GLI2: variants seen among roughly 807,000 people sequenced by gnomAD.
GLI2 encodes the protein transcription activator GLI2.
In GLI2, 22 loss-of-function variants were observed where a neutral mutation model predicts 78.9. That is an observed-to-expected ratio of 0.28 (90% confidence interval 0.20 to 0.40). The LOEUF is 0.40. Among genes scored for constraint, GLI2 ranks in the 10% least tolerant of loss-of-function variants. GLI2 has a pLI of 1.00. For missense variants in GLI2, 2,097 were observed against 2,213.2 expected, an observed-to-expected ratio of 0.95 and a Z score of 1.05; for synonymous variants, 974 against 963.7, an observed-to-expected ratio of 1.01 and a Z score of -0.20.
In GLI2 at chr2:120,951,428, G is replaced by T. The variant is rs755345187; in HGVS notation, c.440G>T (p.Gly147Val). The T allele has an allele frequency of 3.7e-6, 6 of 1,611,788 alleles. No homozygotes were observed. The African/African-American group carries it at 4.0e-5, about 11-fold the overall frequency. ...PTLSMISAAR[G>V]LSPADVAQEH... ...CTCTCCATGATCTCTGCAGCCAGGG[G>T]CCTCAGCCCCGCTGATGGTGAGTAG... is the stretch of plus-strand genomic sequence containing the variant. Residue 147 changes from glycine (G) to valine (V), a missense_variant, in exon 4 of 14, where the codon GGC becomes GTC. By Grantham distance (109) the Gly-to-Val change is moderately radical. Coordinates refer to ENST00000361492, the MANE Select transcript of GLI2 (RefSeq NM_001374353.1).
intron 2 of GLI2, 40 bp from the exon 3 acceptor site, chr2:120,927,321 G>T (rs760259656): frequency 7.1e-7 from 1 of 1,417,028 alleles, no homozygotes; most frequent in Non-Finnish European, 1.0e-6. Context: ...GAGGGAGGGG[G>T]AAAGTTTTTG....
intron 1 of GLI2, among the ~76,000 whole-genome samples, chr2:120,751,352 C>T (rs1243755664): frequency 6.6e-6 from 1 of 152,138 alleles, no homozygotes; most frequent in African/African-American, 2.4e-5. Context: ...CCCTTCCCCC[C>T]AAACTTTACA....
chr2:120,848,185 A>G (rs888782546), intron 2 of GLI2, among the ~76,000 whole-genome samples: 3 of 152,182 alleles, frequency 2.0e-5, no homozygotes, highest in Non-Finnish European at 4.4e-5. Context: ...TTGAGAAGGA[A>G]GCTCCCGGGA....
At chr2:120,900,010 A>G (rs1678174675) in intron 2 of GLI2, among the ~76,000 whole-genome samples, 1 of 152,200 alleles carries the variant, frequency 6.6e-6, no homozygotes, top group Admixed American at 6.5e-5. Flanking sequence ...CGTCTCTAGC[A>G]GGCTCCCAGG....
At chr2:120,935,578 C>T (rs902966306) in intron 3 of GLI2, among the ~76,000 whole-genome samples, 2 of 152,160 alleles carry the variant, frequency 1.3e-5, no homozygotes, top group African/African-American at 4.8e-5. Context: ...ACCCTCCCTG[C>T]AAGGTGGGAT....
intron 3 of GLI2, among the ~76,000 whole-genome samples, chr2:120,929,688 G>A (rs55883948): frequency 6.6e-6 from 1 of 152,212 alleles, no homozygotes; most frequent in Admixed American, 6.5e-5. Flanking sequence ...TCTGTGTCCC[G>A]TTGACATGTT....
intron 1 of GLI2, among the ~76,000 whole-genome samples, chr2:120,786,704 T>C (rs531293280): frequency 1.3e-5 from 2 of 152,184 alleles, no homozygotes; most frequent in African/African-American, 4.8e-5. Context: ...TATGCAGTGC[T>C]GGCAAACACT....
At chr2:120,887,862 C>T (rs887178865) in intron 2 of GLI2, among the ~76,000 whole-genome samples, 3 of 152,190 alleles carry the variant, frequency 2.0e-5, no homozygotes, top group African/African-American at 7.2e-5. Flanking sequence ...GATCCTAACG[C>T]AGTGCTAGAT....
intron 5 of GLI2, among the ~76,000 whole-genome samples, chr2:120,967,924 G>A (rs939147989): frequency 8.5e-5 from 13 of 152,190 alleles, no homozygotes; most frequent in African/African-American, 2.9e-4. Context: ...ACAGCCAAAG[G>A]CCCAGACATT....
At chr2:120,870,139 C>T (rs987901405) in intron 2 of GLI2, among the ~76,000 whole-genome samples, 12 of 152,222 alleles carry the variant, frequency 7.9e-5, no homozygotes, top group Admixed American at 7.9e-4. Context: ...CCCCTTGCCC[C>T]TTCGTCCAGA....
At chr2:120,789,974 G>A (rs1684099971) in intron 1 of GLI2, among the ~76,000 whole-genome samples, 1 of 152,232 alleles carries the variant, frequency 6.6e-6, no homozygotes, top group Non-Finnish European at 1.5e-5. Context: ...ATGTGTGCTT[G>A]AAGGTTTTGT....
chr2:120,945,185 GGAA>G lies in GLI2; in HGVS notation c.255-6053_255-6051del, dbSNP rs552897878. ...AGTCAGCAGGCCAGAACCAACATCG[GGAA>G]GAAGCATAGGCGTCCTCCACTGCAG... is the stretch of plus-strand genomic sequence containing the variant. On this transcript the variant is annotated intron_variant, in intron 3 of 13. Transcript: ENST00000361492. Among the ~76,000 whole-genome samples the G allele has an allele frequency of 3.3e-3, 498 of 152,342 alleles. 2 individuals are homozygous for G. Among genetic ancestry groups the G allele is most frequent in the Middle Eastern group, 0.014 (4 of 294 alleles).
intron 2 of GLI2, among the ~76,000 whole-genome samples, chr2:120,805,267 C>T (rs371538791): frequency 5.9e-5 from 9 of 152,248 alleles, no homozygotes; most frequent in African/African-American, 2.2e-4. Context: ...TGGCCCCTGC[C>T]TGTCGCTCCC....
chr2:120,737,285 T>G lies in GLI2; in HGVS notation c.-31+1000T>G, dbSNP rs1682395429. Among the ~76,000 whole-genome samples the G allele has an allele frequency of 2.0e-5, 3 of 151,908 alleles. No homozygotes were observed. The highest frequency in any genetic ancestry group is 7.3e-5 in the African/African-American group (3 of 41,348). On this transcript the variant is annotated intron_variant, in intron 1 of 13. Transcript: ENST00000361492. This position sits in a 1 kb window ranked among gnomAD's most constrained non-coding sequence, Gnocchi z 4.3. ...CTGGGAGTCCACCCAGCTCGGCGCCTTTTCAGCCCGGCGGTAACTGCTGTC... is the reference window on the plus strand; with the variant it reads ...CTGGGAGTCCACCCAGCTCGGCGCCGTTTCAGCCCGGCGGTAACTGCTGTC...
At chr2:120,922,608 G>A (rs983298427) in intron 2 of GLI2, among the ~76,000 whole-genome samples, 26 of 152,306 alleles carry the variant, frequency 1.7e-4, no homozygotes, top group African/African-American at 6.0e-4. Flanking sequence ...AACTAAAGGT[G>A]CTGTCAGCAA....
intron 2 of GLI2, among the ~76,000 whole-genome samples, chr2:120,895,025 T>C (rs1196142286): frequency 1.4e-5 from 2 of 145,392 alleles, no homozygotes; most frequent in African/African-American, 5.0e-5. Context: ...AGTGCCTCAA[T>C]GGGTGCCTCC....
chr2:120,822,516 G>A (rs997450050), intron 2 of GLI2, among the ~76,000 whole-genome samples: 3 of 152,216 alleles, frequency 2.0e-5, no homozygotes, highest in African/African-American at 7.2e-5. Context: ...GCATGTGGCT[G>A]AAGGTCACAA....
intron 2 of GLI2, among the ~76,000 whole-genome samples, chr2:120,919,975 T>C (rs1679290252): frequency 6.6e-6 from 1 of 152,270 alleles, no homozygotes; most frequent in South Asian, 2.1e-4. Flanking sequence ...GGTGCAAGGC[T>C]GGGCCTCACC....
chr2:120,813,035 G>A (rs1482687147), intron 2 of GLI2, among the ~76,000 whole-genome samples: 3 of 152,206 alleles, frequency 2.0e-5, no homozygotes, highest in African/African-American at 7.2e-5. Flanking sequence ...GAGGTCCCCA[G>A]ACGATGGCTG....
Sources: allele counts gnomAD v4.1 joint callset (sites outside exome capture counted in the v4.1 genomes callset), GRCh38; gene constraint gnomAD v4.1.1; non-coding constraint Gnocchi (gnomAD v3.1); transcripts MANE v1.5; gene names NCBI Gene and HGNC (gene_info 2026-07-23, HGNC 2026-07-21).